AK7: variants seen among roughly 807,000 people sequenced by gnomAD.
AK7 encodes adenylate kinase 7.
AK7 carries 78 observed loss-of-function variants against 96.6 expected under a neutral mutation model. The observed-to-expected ratio is 0.81, with a 90% CI of 0.67 to 0.97. The LOEUF (loss-of-function observed/expected upper bound fraction) is 0.97. Among genes scored for constraint, AK7 ranks in the 50% least tolerant of loss-of-function variants. The pLI is 0.00. For synonymous variants in AK7, 302 were observed against 317.2 expected, an observed-to-expected ratio of 0.95 and a Z score of 0.51; for missense variants, 855 against 887.9, an observed-to-expected ratio of 0.96 and a Z score of 0.47.
chr14:96,482,305 G>A (rs1012127960), intron 15 of AK7, among the ~76,000 whole-genome samples: 5 of 152,126 alleles, frequency 3.3e-5, no homozygotes, highest in African/African-American at 1.2e-4. Flanking sequence ...AATGGGCGTG[G>A]GGTAAGCAGC....
At chr14:96,433,882 G>A (rs1308100063) in intron 5 of AK7, among the ~76,000 whole-genome samples, 3 of 151,966 alleles carry the variant, frequency 2.0e-5, no homozygotes, top group East Asian at 1.9e-4. Context: ...TTTCAGCTCC[G>A]GAGTTTCTGC....
chr14:96,396,266 T>C (rs770728092), intron 1 of AK7, among the ~76,000 whole-genome samples: 22 of 152,116 alleles, frequency 1.4e-4, no homozygotes, highest in Admixed American at 3.3e-4. Context: ...CTTAATTAAT[T>C]AGGGCCTTTC....
intron 8 of AK7, among the ~76,000 whole-genome samples, chr14:96,448,326 G>A (rs1466428198): frequency 1.3e-5 from 2 of 151,916 alleles, no homozygotes; most frequent in Non-Finnish European, 2.9e-5. Flanking sequence ...TCCAGAGGCT[G>A]GGAAGTGCAA....
rs1389404862 is a variant in AK7 at position 96,443,368 on chromosome 14, G to T, written c.779+550G>T. Among the ~76,000 whole-genome samples the T allele has an allele frequency of 4.6e-5, 7 of 152,294 alleles. No individual in the cohort carries two copies. In the East Asian group the frequency reaches 9.6e-4, roughly 21 times the overall value. On this transcript the variant is annotated intron_variant, in intron 7 of 17. Coordinates refer to ENST00000267584, the MANE Select transcript of AK7 (RefSeq NM_152327.5). ...TGAGGTCAATGAGTTGGTTCACTGT[G>T]TTTGTGGTTCATCAGCTCCAGCTTC...
At chr14:96,466,480 C>A (rs564398270) in intron 12 of AK7, among the ~76,000 whole-genome samples, 2 of 151,996 alleles carry the variant, frequency 1.3e-5, no homozygotes, top group Non-Finnish European at 2.9e-5. Flanking sequence ...CCTCATGATC[C>A]GCCTGCCTCA....
chr14:96,472,472 G>A (rs1894951154), intron 13 of AK7, among the ~76,000 whole-genome samples: 1 of 152,238 alleles, frequency 6.6e-6, no homozygotes, highest in Non-Finnish European at 1.5e-5. Context: ...TCTTTTTAAA[G>A]GCTGAATAGT....
chr14:96,406,058 T>G (rs1317292835), intron 3 of AK7, among the ~76,000 whole-genome samples: 8 of 19,030 alleles, frequency 4.2e-4, no homozygotes, highest in Non-Finnish European at 8.3e-4. Flanking sequence ...AGCAACCTCA[T>G]TTTTTTTTTT....
intron 7 of AK7, among the ~76,000 whole-genome samples, chr14:96,445,593 G>C (rs1397551440): frequency 6.6e-6 from 1 of 152,176 alleles, no homozygotes; most frequent in African/African-American, 2.4e-5. Flanking sequence ...CTGGGAGTTT[G>C]AGGCTGCAGT....
Position 96,457,221 on chromosome 14 carries a change from C to A in AK7, c.1227+746C>A, listed in dbSNP as rs140987725. On this transcript the variant is annotated intron_variant, in intron 11 of 17. Transcript: ENST00000267584. ...GATTACAGGTGTGTGCCACTATGCCCGGCTAATTTTTGTATTTTTAGTAGA... is the reference window on the plus strand; with the variant it reads ...GATTACAGGTGTGTGCCACTATGCCAGGCTAATTTTTGTATTTTTAGTAGA... Among the ~76,000 whole-genome samples the A allele has an allele frequency of 7.0e-3, 1,061 of 151,776 alleles. 9 individuals are homozygous for A. Among genetic ancestry groups the A allele is most frequent in the African/African-American group, 0.024 (985 of 41,428 alleles).
chr14:96,421,192 CAG>C (rs1431735231), intron 5 of AK7, among the ~76,000 whole-genome samples: 2 of 152,186 alleles, frequency 1.3e-5, no homozygotes, highest in East Asian at 3.8e-4. Flanking sequence ...GCAAATAACT[CAG>C]AGTTGTAATG....
intron 12 of AK7, among the ~76,000 whole-genome samples, chr14:96,459,259 AC>A (rs1012819503): frequency 1.6e-4 from 25 of 151,518 alleles, no homozygotes; most frequent in African/African-American, 6.1e-4. Context: ...AATCGCTTGA[AC>A]CCGGGAGGTG....
intron 5 of AK7, among the ~76,000 whole-genome samples, chr14:96,427,765 T>C (rs1892113662): frequency 6.6e-6 from 1 of 152,212 alleles, no homozygotes; most frequent in South Asian, 2.1e-4. Flanking sequence ...AGGTGCCCTT[T>C]TGAGGCTATT....
intron 10 of AK7, among the ~76,000 whole-genome samples, chr14:96,453,343 C>T (rs780461573): frequency 2.0e-5 from 3 of 152,164 alleles, no homozygotes; most frequent in South Asian, 2.1e-4. Context: ...GTATGGTTCC[C>T]GATGAGCAAG....
intron 4 of AK7, among the ~76,000 whole-genome samples, chr14:96,414,847 G>A (rs1356970428): frequency 6.7e-6 from 1 of 148,932 alleles, no homozygotes; most frequent in East Asian, 2.0e-4. Flanking sequence ...CCACCTCCTG[G>A]GCTCAAGTGA....
chr14:96,455,880 C>T (rs892671811), intron 10 of AK7, among the ~76,000 whole-genome samples: 6 of 152,032 alleles, frequency 3.9e-5, no homozygotes, highest in African/African-American at 7.3e-5. Context: ...GGGGTAGAGG[C>T]GTGACTCTGG....
intron 12 of AK7, among the ~76,000 whole-genome samples, chr14:96,466,535 G>A (rs1894579232): frequency 1.3e-5 from 2 of 151,490 alleles, no homozygotes; most frequent in African/African-American, 2.4e-5. Context: ...ACACTGCCTG[G>A]CCTTGTTTTT....
At chr14:96,392,560 G>C (rs1338787658) in intron 1 of AK7, among the ~76,000 whole-genome samples, 1 of 152,254 alleles carries the variant, frequency 6.6e-6, no homozygotes, top group East Asian at 1.9e-4. Context: ...CACATAGAGA[G>C]TTGAGGCCAG....
At chr14:96,480,909 C>A (rs918668055) in intron 15 of AK7, among the ~76,000 whole-genome samples, 3 of 152,232 alleles carry the variant, frequency 2.0e-5, no homozygotes, top group Non-Finnish European at 1.5e-5. Context: ...GCAGCCCGGC[C>A]TCTGCAATGT....
intron 4 of AK7, among the ~76,000 whole-genome samples, chr14:96,418,518 G>GTTTTTGT (rs1291988594): frequency 1.3e-5 from 2 of 151,192 alleles, no homozygotes; most frequent in Non-Finnish European, 2.9e-5. Context: ...TTTTGTTTTT[G>GTTTTTGT]TTTTTGTTTT....
Sources: allele counts gnomAD v4.1 joint callset (sites outside exome capture counted in the v4.1 genomes callset), GRCh38; gene constraint gnomAD v4.1.1; transcripts MANE v1.5; gene names NCBI Gene and HGNC (gene_info 2026-07-23, HGNC 2026-07-21).